Variants in PDE1A observed in about 807,000 individuals in gnomAD.
The protein encoded by PDE1A is dual specificity calcium/calmodulin-dependent 3',5'-cyclic nucleotide phosphodiesterase 1A.
In PDE1A, 35 loss-of-function variants were observed where a neutral mutation model predicts 61.7. That is an observed-to-expected ratio of 0.57 (90% CI 0.43 to 0.75). The LOEUF is 0.75. Ranked by LOEUF, PDE1A falls within the 30% of genes least tolerant of loss-of-function variation. The pLI, the probability that PDE1A is intolerant of heterozygous loss-of-function variation, is 0.00. For synonymous variants in PDE1A, 232 were observed against 213.2 expected, an observed-to-expected ratio of 1.09 and a Z score of -0.77; for missense variants, 597 against 630.6, an observed-to-expected ratio of 0.95 and a Z score of 0.57.
At chr2:182,197,333 T>TA (rs1295074046) in intron 10 of PDE1A, among the ~76,000 whole-genome samples, 2 of 150,974 alleles carry the variant, frequency 1.3e-5, no homozygotes, top group African/African-American at 4.9e-5. Context: ...GTAGTACAAA[T>TA]ATTTTCTCTC....
chr2:182,293,381 T>C (rs982610526), intron 1 of PDE1A, among the ~76,000 whole-genome samples: 3 of 152,136 alleles, frequency 2.0e-5, no homozygotes, highest in Non-Finnish European at 4.4e-5. Flanking sequence ...GAACAGCAAT[T>C]CTGCAGCAAC....
intron 2 of PDE1A, among the ~76,000 whole-genome samples, chr2:182,248,440 C>T (rs1265384020): frequency 6.6e-6 from 1 of 152,060 alleles, no homozygotes; most frequent in Non-Finnish European, 1.5e-5. Context: ...TAAACACGAC[C>T]TGGGTGCAGA....
At chr2:182,212,278 C>T (rs974649328) in intron 7 of PDE1A, among the ~76,000 whole-genome samples, 4 of 150,210 alleles carry the variant, frequency 2.7e-5, no homozygotes, top group African/African-American at 7.3e-5. Flanking sequence ...TATATATATA[C>T]ACACACACAC....
chr2:182,533,456 G>A, the PDE1A span, among the ~76,000 whole-genome samples: 2 of 152,114 alleles, frequency 1.3e-5, no homozygotes, highest in African/African-American at 4.8e-5. Context: ...TAAAAGTGAT[G>A]GAATAGCTGC....
the PDE1A span, among the ~76,000 whole-genome samples, chr2:182,596,679 C>CTGGATGGATGGATGGATGGA: frequency 1.6e-3 from 242 of 149,106 alleles, no homozygotes; most frequent in African/African-American, 4.3e-3. Flanking sequence ...GAATAATAAA[C>CTGGATGGATGGATGGATGGA]TGGATGGATG....
intron 1 of PDE1A, among the ~76,000 whole-genome samples, chr2:182,414,168 A>G (rs148708631): frequency 2.0e-3 from 304 of 152,308 alleles, no homozygotes; most frequent in African/African-American, 7.0e-3. Context: ...ACATGGAAGC[A>G]GAGGACGATT....
At chr2:182,661,347 T>A in the PDE1A span, among the ~76,000 whole-genome samples, 4 of 152,206 alleles carry the variant, frequency 2.6e-5, no homozygotes, top group Admixed American at 1.3e-4. Context: ...TATGCCCATA[T>A]ACTAGAAAGA....
intron 2 of PDE1A, among the ~76,000 whole-genome samples, chr2:182,258,951 G>T (rs1692018485): frequency 6.6e-6 from 1 of 152,160 alleles, no homozygotes; most frequent in Admixed American, 6.5e-5. Flanking sequence ...TCTAGACCCA[G>T]TTCTAGCCAC....
At chr2:182,716,339 A>T in the PDE1A span, 1 of 151,954 alleles carries the variant, frequency 6.6e-6, no homozygotes, top group Non-Finnish European at 1.5e-5. Context: ...GCTGCACCTC[A>T]CCAATCCCGT....
In PDE1A at chr2:182,449,353, G is replaced by A. The variant is rs527239443; in HGVS notation, c.101+72923C>T. ...AAAGAGAAAGGAAAGAAGGAAGGAA[G>A]GAAGGGAGGGAGGGAGGACGAGCGG... is the stretch of plus-strand genomic sequence containing the variant. On this transcript the variant is annotated intron_variant, in intron 2 of 14. Coordinates refer to the PDE1A transcript ENST00000410103. Among the ~76,000 whole-genome samples the A allele has an allele frequency of 1.1e-4, 16 of 151,562 alleles. No homozygotes were observed. The East Asian group carries it at 2.9e-3, about 28-fold the overall frequency.
chr2:182,493,441 C>A (rs1688519039), intron 2 of PDE1A, among the ~76,000 whole-genome samples: 1 of 152,072 alleles, frequency 6.6e-6, no homozygotes, highest in South Asian at 2.1e-4. Flanking sequence ...GCCTCCTCAC[C>A]CCGTGACAGG....
intron 2 of PDE1A, among the ~76,000 whole-genome samples, chr2:182,435,404 A>G (rs1684334831): frequency 6.6e-6 from 1 of 152,062 alleles, no homozygotes; most frequent in Non-Finnish European, 1.5e-5. Flanking sequence ...TAAGAAGAAG[A>G]GCAAGCAGAG....
At chr2:182,295,853 T>C (rs888802811) in intron 1 of PDE1A, among the ~76,000 whole-genome samples, 1 of 152,146 alleles carries the variant, frequency 6.6e-6, no homozygotes, top group Non-Finnish European at 1.5e-5. Context: ...TGATTCCTTA[T>C]AAGGAAAAGA....
At chr2:182,606,938 T>C in the PDE1A span, among the ~76,000 whole-genome samples, 1 of 152,168 alleles carries the variant, frequency 6.6e-6, no homozygotes, top group African/African-American at 2.4e-5. Flanking sequence ...CAATAAGTAT[T>C]GCCAGAGAAG....
chr2:182,376,687 C>T (rs1362002181), intron 1 of PDE1A, among the ~76,000 whole-genome samples: 1 of 152,112 alleles, frequency 6.6e-6, no homozygotes, highest in Non-Finnish European at 1.5e-5. Context: ...TCTAATGGTA[C>T]CAATTTACTG....
chr2:182,369,084 C>G (rs562487523), intron 1 of PDE1A, among the ~76,000 whole-genome samples: 1 of 152,028 alleles, frequency 6.6e-6, no homozygotes, highest in Non-Finnish European at 1.5e-5. Context: ...GTATATATCA[C>G]CTTAGATTAC....
At chr2:182,327,269 A>G (rs1697106991) in intron 1 of PDE1A, among the ~76,000 whole-genome samples, 1 of 152,180 alleles carries the variant, frequency 6.6e-6, no homozygotes, top group African/African-American at 2.4e-5. Context: ...AGCAAGTCGA[A>G]GTGTATTGGA....
chr2:182,391,018 A>G (rs1701389780), intron 1 of PDE1A, among the ~76,000 whole-genome samples: 1 of 152,342 alleles, frequency 6.6e-6, no homozygotes, highest in African/African-American at 2.4e-5. Context: ...GCAGACCCCT[A>G]GAGGTGAGGT....
intron 1 of PDE1A, among the ~76,000 whole-genome samples, chr2:182,323,923 C>T (rs1249721957): frequency 6.6e-6 from 1 of 152,144 alleles, no homozygotes; most frequent in Non-Finnish European, 1.5e-5. Context: ...TGCAGTAGGG[C>T]TGTGCAGCCT....
Sources: allele counts gnomAD v4.1 joint callset (sites outside exome capture counted in the v4.1 genomes callset), GRCh38; gene constraint gnomAD v4.1.1; transcripts MANE v1.5; gene names NCBI Gene and HGNC (gene_info 2026-07-23, HGNC 2026-07-21).